Variants in KDM4B observed in about 807,000 individuals in gnomAD.
KDM4B encodes lysine-specific demethylase 4B.
In KDM4B, 32 loss-of-function variants were observed where a neutral mutation model predicts 125.2. That is an observed-to-expected ratio of 0.26 (90% confidence interval 0.19 to 0.34). The LOEUF (loss-of-function observed/expected upper bound fraction) is 0.34. Among genes scored for constraint, KDM4B ranks in the 10% least tolerant of loss-of-function variants. KDM4B has a pLI of 1.00. For synonymous variants in KDM4B, 721 were observed against 677.9 expected (o/e 1.06, Z -0.99); for missense variants, 1,190 against 1,577.7 (o/e 0.75, Z 4.16).
chr19:5,134,661 C>A (rs1290394696), intron 14 of KDM4B, among the ~76,000 whole-genome samples: 1 of 152,206 alleles, frequency 6.6e-6, no homozygotes, highest in African/African-American at 2.4e-5. Context: ...TGGCCACATG[C>A]TTTGCACTCC....
chr19:5,137,383 G>A (rs1416528559), intron 16 of KDM4B, 45 bp downstream of exon 16: 43 of 1,516,304 alleles, frequency 2.8e-5, no homozygotes, highest in Non-Finnish European at 3.8e-5. Flanking sequence ...AGAGGCCTGG[G>A]CCCCGGCCCC....
chr19:5,052,160 C>T lies in KDM4B; in HGVS notation c.626+4491C>T, dbSNP rs115637762. 6.1e-3 allele frequency among the ~76,000 whole-genome samples: 924 copies of T among 152,302 alleles called. 8 individuals carry two copies. Among genetic ancestry groups the T allele is most frequent in the African/African-American group, 0.021 (890 of 41,540 alleles). ...CCGAGAATTTTCCCTTTTGATTCAG[C>T]TACACCTTGAGTTTTCTCTCTGGCG... On this transcript the variant is annotated intron_variant, in intron 6 of 22. Coordinates refer to ENST00000159111, the MANE Select transcript of KDM4B (RefSeq NM_015015.3).
chr19:4,989,966 C>T (rs1459818418), intron 1 of KDM4B, among the ~76,000 whole-genome samples: 1 of 152,134 alleles, frequency 6.6e-6, no homozygotes, highest in Non-Finnish European at 1.5e-5. Context: ...TCTTCCTTTT[C>T]ATGTCATCCC....
chr19:5,118,109 G>T (rs2039292218), intron 10 of KDM4B, among the ~76,000 whole-genome samples: 1 of 152,136 alleles, frequency 6.6e-6, no homozygotes, highest in Non-Finnish European at 1.5e-5. Context: ...TCAGGCAGAG[G>T]TGAGGAGGTC....
At chr19:5,053,429 C>G (rs1314482257) in intron 6 of KDM4B, among the ~76,000 whole-genome samples, 1 of 152,226 alleles carries the variant, frequency 6.6e-6, no homozygotes, top group African/African-American at 2.4e-5. Context: ...CGGTTTAGAA[C>G]AGAGAGCTCC....
chr19:5,143,532 G>A (rs968999869), intron 18 of KDM4B, among the ~76,000 whole-genome samples: 5 of 152,104 alleles, frequency 3.3e-5, no homozygotes, highest in Admixed American at 6.5e-5. Context: ...TGCCCTGGGG[G>A]TTGCAGAACA....
At chr19:5,130,243 C>T (rs913395810) in intron 11 of KDM4B, among the ~76,000 whole-genome samples, 6 of 152,204 alleles carry the variant, frequency 3.9e-5, no homozygotes, top group African/African-American at 1.4e-4. Flanking sequence ...CCAGAGTCCC[C>T]CATGTCCCTC....
At chr19:5,103,124 G>A (rs930506739) in intron 9 of KDM4B, among the ~76,000 whole-genome samples, 12 of 152,238 alleles carry the variant, frequency 7.9e-5, no homozygotes, top group East Asian at 1.9e-4. Flanking sequence ...CAGTGGGGCC[G>A]GTGAGTGTGC....
chr19:5,066,913 A>G (rs1312320573), intron 6 of KDM4B, among the ~76,000 whole-genome samples: 3 of 152,160 alleles, frequency 2.0e-5, no homozygotes, highest in Non-Finnish European at 4.4e-5. Flanking sequence ...GGTGCTGTGG[A>G]CAGTGGTGCA....
intron 6 of KDM4B, among the ~76,000 whole-genome samples, chr19:5,049,618 A>G (rs1202335204): frequency 1.3e-5 from 2 of 151,944 alleles, no homozygotes; most frequent in Non-Finnish European, 2.9e-5. Flanking sequence ...CCTGCTTAGC[A>G]CGCAGGGCCC....
At chr19:5,028,054 G>A (rs1285598871) in intron 2 of KDM4B, among the ~76,000 whole-genome samples, 1 of 152,170 alleles carries the variant, frequency 6.6e-6, no homozygotes, top group East Asian at 1.9e-4. Context: ...ATAGCTCACT[G>A]CAGCCTCGAA....
At chr19:5,077,544 C>T in intron 8 of KDM4B, 74 bp downstream of exon 8, 1 of 1,246,896 alleles carries the variant, frequency 8.0e-7, no homozygotes, top group Non-Finnish European at 1.2e-6. Context: ...CCGCACATAC[C>T]CCAGGAGATA....
rs373042930 is a variant in KDM4B, at chr19:5,115,304, AGAC to A, written c.1116-4348_1116-4346del. 5.9e-5 allele frequency among the ~76,000 whole-genome samples: 9 copies of A among 152,228 alleles called. No individual in the cohort carries two copies. The highest frequency in any genetic ancestry group is 1.9e-4 in the African/African-American group (8 of 41,546). ...GGGGGATGTGGGGGCAACCAGCAGA[AGAC>A]AGTGGGTGGCTCTGGGCAGAAGGGA... On this transcript the variant is annotated intron_variant, in intron 10 of 22. Coordinates refer to ENST00000159111, the MANE Select transcript of KDM4B (RefSeq NM_015015.3). This position sits in a 1 kb window ranked among gnomAD's most constrained non-coding sequence, Gnocchi z 4.2.
At chr19:5,040,886 G>A (rs2145665618) in intron 4 of KDM4B, among the ~76,000 whole-genome samples, 2 of 152,370 alleles carry the variant, frequency 1.3e-5, no homozygotes, top group South Asian at 4.1e-4. Context: ...CCCCTGGCGT[G>A]TGTTCTGATG....
intron 1 of KDM4B, among the ~76,000 whole-genome samples, chr19:4,974,695 A>G (rs1326610797): frequency 1.3e-5 from 2 of 149,000 alleles, no homozygotes; most frequent in Non-Finnish European, 3.0e-5. Flanking sequence ...CCAAGATCAC[A>G]CCACTGCACT....
chr19:4,979,340 G>A (rs2034560701), intron 1 of KDM4B, among the ~76,000 whole-genome samples: 1 of 152,208 alleles, frequency 6.6e-6, no homozygotes, highest in East Asian at 1.9e-4. Flanking sequence ...TGCGCCGGGA[G>A]GCTTCCCATA....
At chr19:4,996,487 C>T (rs1426245062) in intron 1 of KDM4B, among the ~76,000 whole-genome samples, 2 of 152,134 alleles carry the variant, frequency 1.3e-5, no homozygotes, top group Non-Finnish European at 2.9e-5. Context: ...CGATCTCTTG[C>T]CTCAGCCTCC....
intron 8 of KDM4B, among the ~76,000 whole-genome samples, chr19:5,080,202 G>A (rs1599572815): frequency 6.6e-6 from 1 of 152,224 alleles, no homozygotes; most frequent in Non-Finnish European, 1.5e-5. Flanking sequence ...TGTTCTTAAG[G>A]ACTGGCATTT....
chr19:4,999,676 C>T (rs1367313088), intron 1 of KDM4B, among the ~76,000 whole-genome samples: 2 of 152,032 alleles, frequency 1.3e-5, no homozygotes, highest in African/African-American at 4.8e-5. Flanking sequence ...CATCTATCCA[C>T]CCACCCATCC....
Sources: gnomAD v4.1 joint callset for allele counts (sites outside exome capture counted in the v4.1 genomes callset) on GRCh38, gnomAD v4.1.1 for gene constraint, Gnocchi (gnomAD v3.1) non-coding constraint, MANE v1.5 for transcripts, NCBI Gene and HGNC (gene_info 2026-07-23, HGNC 2026-07-21) for gene names.